The following PTPN3 variants were observed in gnomAD, a reference collection of about 807,000 sequenced individuals.
The protein encoded by PTPN3 is tyrosine-protein phosphatase non-receptor type 3.
Under a neutral mutation model 132.7 loss-of-function variants are expected in PTPN3, and 96 were observed. The observed-to-expected ratio is 0.72, with a 90% confidence interval of 0.61 to 0.86. PTPN3 has a LOEUF of 0.86. Ranked by LOEUF, PTPN3 falls within the 40% of genes least tolerant of loss-of-function variation. PTPN3 has a pLI of 0.00. For missense variants in PTPN3, 1,125 were observed against 1,159.6 expected (o/e 0.97, Z 0.43); for synonymous variants, 398 against 429.0 (o/e 0.93, Z 0.89).
In PTPN3 at chr9:109,457,349, A is replaced by C; in HGVS notation, c.189T>G (p.Gly63=). The C allele has an allele frequency of 1.9e-6, 3 of 1,614,198 alleles. No individual in the cohort carries two copies. Among genetic ancestry groups the C allele is most frequent in the Non-Finnish European group, 2.5e-6 (3 of 1,180,040 alleles). ...AACCAAAATATTCCTTTTCAGTCAC[A>C]CCCAGGTGGTTGTGCACCATATCCA... ...VLLDMVHNHL[G]VTEKEYFGLQ... is the part of the protein sequence containing the mutation. The change falls in exon 3 of 26, where the codon GGT becomes GGG. Residue 63 remains glycine (G), a synonymous_variant. Coordinates refer to ENST00000374541, the MANE Select transcript of PTPN3 (RefSeq NM_002829.4).
chr9:109,420,792 T>TC (rs1436595546), intron 13 of PTPN3, among the ~76,000 whole-genome samples, 192 bp from the exon 14 acceptor site: 3 of 152,158 alleles, frequency 2.0e-5, no homozygotes, highest in Non-Finnish European at 4.4e-5. Flanking sequence ...CCTAACACTC[T>TC]CAGTCAAGTG....
At chr9:109,422,626 T>C in intron 13 of PTPN3, 92 bp downstream of exon 13, 3 of 1,400,402 alleles carry the variant, frequency 2.1e-6, no homozygotes, top group African/African-American at 1.5e-5. Context: ...AGGTCATCTA[T>C]CTTTAGGAGT....
In PTPN3 at chr9:109,404,547, G is replaced by A. The variant is rs780744304; in HGVS notation, c.1854C>T (p.Ala618=). The A allele has an allele frequency of 2.5e-6, 4 of 1,569,316 alleles. No homozygotes were observed. In the Admixed American group the frequency reaches 5.2e-5, roughly 20 times the overall value. Residue 618 remains alanine, a synonymous_variant, in exon 19 of 26, where the codon GCC becomes GCT. Transcript: ENST00000374541. Reference sequence around the variant, plus strand: ...CACCCTCCGGACACATGGGGAAAATGGCTTCGGGGAAAAGCTGGTTCAGTT... The same window carrying A: ...CACCCTCCGGACACATGGGGAAAATAGCTTCGGGGAAAAGCTGGTTCAGTT... ...EDELNQLFPE[A]IFPMCPEGGD...
chr9:109,522,537 T>A, the PTPN3 span, among the ~76,000 whole-genome samples: 1 of 152,208 alleles, frequency 6.6e-6, no homozygotes, highest in African/African-American at 2.4e-5. Flanking sequence ...TATAAATGTA[T>A]ATTTATTTAT....
chr9:109,479,608 CCT>C (rs1846861381), intron 1 of PTPN3, among the ~76,000 whole-genome samples: 1 of 152,202 alleles, frequency 6.6e-6, no homozygotes, highest in African/African-American at 2.4e-5. Context: ...ACACAGTCTT[CCT>C]CTGTTGCCCA....
In PTPN3 at chr9:109,389,267, A is replaced by G. The variant is rs569359098; in HGVS notation, c.2219T>C (p.Ile740Thr). ...TTCTGTGAGAGTCGTCAACATGACA[A>G]TGAGTGACAACTTCTGATCCCAGAC... The part of the protein sequence containing the change: ...QVVWDQKLSL[I>T]VMLTTLTERG... Residue 740 changes from isoleucine to threonine, a missense_variant, in exon 22 of 26, where the codon ATT (isoleucine) becomes ACT (threonine). Ile to Thr is a moderately conservative substitution (Grantham distance 89). Transcript: ENST00000374541. The G allele has an allele frequency of 1.9e-6, 3 of 1,614,214 alleles. No individual in the cohort carries two copies. The highest frequency in any genetic ancestry group is 1.7e-6 in the Non-Finnish European group (2 of 1,180,024).
At chr9:109,532,666 C>A in the PTPN3 span, among the ~76,000 whole-genome samples, 1 of 151,740 alleles carries the variant, frequency 6.6e-6, no homozygotes, top group Admixed American at 6.6e-5. Flanking sequence ...AAACCCCATG[C>A]TGCTTAGATA....
At chr9:109,477,958 G>A (rs892733194) in intron 1 of PTPN3, among the ~76,000 whole-genome samples, 2 of 152,238 alleles carry the variant, frequency 1.3e-5, no homozygotes, top group Non-Finnish European at 2.9e-5. Flanking sequence ...ATCTCATGAG[G>A]ACAGTCATGG....
chr9:109,419,511 A>C (rs1302230303), intron 14 of PTPN3, among the ~76,000 whole-genome samples: 2 of 152,204 alleles, frequency 1.3e-5, no homozygotes, highest in Non-Finnish European at 2.9e-5. Context: ...TTGATCCTTT[A>C]CTATCATGCT....
chr9:109,458,619 G>C (rs181654126), intron 2 of PTPN3, among the ~76,000 whole-genome samples: 1 of 152,080 alleles, frequency 6.6e-6, no homozygotes, highest in Non-Finnish European at 1.5e-5. Context: ...CAGATTATTC[G>C]GTCTGAAGTG....
chr9:109,526,015 GA>G, the PTPN3 span, among the ~76,000 whole-genome samples: 1 of 152,098 alleles, frequency 6.6e-6, no homozygotes, highest in Non-Finnish European at 1.5e-5. Flanking sequence ...TTTAGCAAAG[GA>G]ACTGAATGCA....
At chr9:109,411,989 T>C (rs920900548) in intron 14 of PTPN3, among the ~76,000 whole-genome samples, 1 of 152,218 alleles carries the variant, frequency 6.6e-6, no homozygotes, top group Non-Finnish European at 1.5e-5. Flanking sequence ...TGAAAAAGCA[T>C]GACTTTCACT....
At chr9:109,393,730 A>G (rs1840331522) in intron 19 of PTPN3, among the ~76,000 whole-genome samples, 1 of 152,190 alleles carries the variant, frequency 6.6e-6, no homozygotes, top group South Asian at 2.1e-4. Flanking sequence ...ATTGTGGCCA[A>G]CATCCTTAAT....
At chr9:109,462,923 C>G (rs1002206836) in intron 2 of PTPN3, among the ~76,000 whole-genome samples, 1 of 151,630 alleles carries the variant, frequency 6.6e-6, no homozygotes, top group East Asian at 2.0e-4. Flanking sequence ...TGAAAAAATG[C>G]AACCTGACGT....
chr9:109,377,459 A>AG lies in PTPN3; in HGVS notation c.*2096dup. ...ACACACACACACACACACACACACAAGCCAGGTGAGGTGGCATGTGCCTAT... is the reference window on the plus strand; with the variant it reads ...ACACACACACACACACACACACACAAGGCCAGGTGAGGTGGCATGTGCCTAT... On this transcript the variant is annotated 3_prime_UTR_variant, in exon 26 of 26. Coordinates refer to ENST00000374541, the MANE Select transcript of PTPN3 (RefSeq NM_002829.4). 1 of 104,578 alleles carries AG rather than the reference A, an allele frequency of 9.6e-6. No individual in the cohort carries two copies. The highest frequency in any genetic ancestry group is 3.8e-5 in the African/African-American group (1 of 26,144). The allele number at this position is 104,578 out of a possible 1,614,324, so 6.5% of individuals were successfully genotyped here.
At chr9:109,471,056 C>A (rs1043943847) in intron 1 of PTPN3, among the ~76,000 whole-genome samples, 1 of 151,648 alleles carries the variant, frequency 6.6e-6, no homozygotes, top group African/African-American at 2.4e-5. Context: ...TTGGTACATA[C>A]GCATCTTTTT....
rs555523838 is a variant in PTPN3 at position 109,469,053 on chromosome 9, G to A, written c.-17-5602C>T. ...TACAAACTCAGGGGAACCAGAAGCA[G>A]TAGCATGCTGGCACAAATTGCCACA... is the stretch of plus-strand genomic sequence containing the variant. On this transcript the variant is annotated intron_variant, in intron 1 of 25. Coordinates refer to ENST00000374541, the MANE Select transcript of PTPN3 (RefSeq NM_002829.4). 5.9e-5 allele frequency among the ~76,000 whole-genome samples: 9 copies of A among 152,334 alleles called. No homozygotes were observed. The South Asian group carries it at 1.9e-3, about 32-fold the overall frequency.
chr9:109,498,336 T>C (rs2132137835), upstream of PTPN3: 1 of 145,440 alleles, frequency 6.9e-6, no homozygotes, highest in South Asian at 2.1e-4. This position sits in a 1 kb window ranked among gnomAD's most constrained non-coding sequence, Gnocchi z 4.2. Context: ...CCGCGGGCGG[T>C]TCCCGCCGGC....
At chr9:109,463,145 A>T in intron 2 of PTPN3, 152 bp downstream of exon 2, 1 of 816,186 alleles carries the variant, frequency 1.2e-6, no homozygotes, top group Non-Finnish European at 1.8e-6. Flanking sequence ...AACATTTTTA[A>T]GTATTTCCAG....
Sources: allele counts gnomAD v4.1 joint callset (sites outside exome capture counted in the v4.1 genomes callset), GRCh38; gene constraint gnomAD v4.1.1; non-coding constraint Gnocchi (gnomAD v3.1); transcripts MANE v1.5; gene names NCBI Gene and HGNC (gene_info 2026-07-23, HGNC 2026-07-21).